Variants in RNF6 observed in about 807,000 individuals in gnomAD.
The protein encoded by RNF6 is E3 ubiquitin-protein ligase RNF6.
A neutral mutation model predicts 50.1 loss-of-function variants in RNF6; 21 were observed. The ratio of observed to expected loss-of-function variants is 0.42; its 90% CI spans 0.30 to 0.60. The LOEUF (loss-of-function observed/expected upper bound fraction) is 0.60, where lower values mean the gene tolerates loss of function less well. Ranked by LOEUF, RNF6 falls within the 20% of genes least tolerant of loss-of-function variation. The pLI is 0.20. For missense variants in RNF6, 698 were observed against 838.2 expected (o/e 0.83, Z 2.07); for synonymous variants, 255 against 291.8 (o/e 0.87, Z 1.29).
chr13:26,193,943 G>T (rs1868559821), intron 5 of RNF6, among the ~76,000 whole-genome samples: 2 of 152,178 alleles, frequency 1.3e-5, no homozygotes, highest in Admixed American at 1.3e-4. Flanking sequence ...TTTTCTTAGT[G>T]AAATAGAGAG....
intron 5 of RNF6, among the ~76,000 whole-genome samples, chr13:26,207,476 T>C (rs1224375445): frequency 6.9e-5 from 10 of 144,106 alleles, no homozygotes; most frequent in Non-Finnish European, 1.4e-4. Context: ...CAAGAATCTA[T>C]GTGAGAAATA....
intron 5 of RNF6, among the ~76,000 whole-genome samples, chr13:26,133,480 C>T (rs1430258863): frequency 6.6e-6 from 1 of 152,144 alleles, no homozygotes; most frequent in African/African-American, 2.4e-5. Context: ...GGTTATGTTC[C>T]CAAAGGTCCT....
chr13:26,132,665 G>A lies in RNF6; in HGVS notation n.769-214C>T, dbSNP rs568289962. On this transcript the variant is annotated intron_variant and non_coding_transcript_variant, in intron 5 of 5. Coordinates refer to the RNF6 transcript ENST00000468480. The stretch of plus-strand genomic sequence containing the variant: ...ATTTTGCAAATAACTTTAATAAAAA[G>A]AAAAGAGGTAGAAACATTAAGTTTT... 5.3e-5 allele frequency among the ~76,000 whole-genome samples: 8 copies of A among 152,246 alleles called. No individual in the cohort carries two copies. In the East Asian group the frequency reaches 1.3e-3, roughly 26 times the overall value.
intron 1 of RNF6, 47 bp downstream of exon 1, chr13:26,221,956 G>A (rs1870555595): frequency 6.6e-6 from 1 of 152,422 alleles, no homozygotes; most frequent in Non-Finnish European, 1.5e-5. Flanking sequence ...TTTCCCCGGC[G>A]TCTCCAGGAA....
At chr13:26,146,018 C>A (rs578057180) in intron 5 of RNF6, among the ~76,000 whole-genome samples, 2 of 152,152 alleles carry the variant, frequency 1.3e-5, no homozygotes, top group South Asian at 4.1e-4. Context: ...CTCTATAAAC[C>A]CCTACTTTAA....
chr13:26,214,158 T>G lies in RNF6; in HGVS notation c.1724A>C (p.Asn575Thr). 6.2e-7 allele frequency: 1 copy of G among 1,614,198 alleles called. No individual in the cohort carries two copies. Among genetic ancestry groups the G allele is most frequent in the Non-Finnish European group, 8.5e-7 (1 of 1,180,034 alleles). Reference sequence around the variant, plus strand: ...TAGTGTTCCAGTTTCAACTAAATTGTTTGGATTTCGCAACTGCCTGCCACC... The same window carrying G: ...TAGTGTTCCAGTTTCAACTAAATTGGTTGGATTTCGCAACTGCCTGCCACC... ...SRGGRQLRNP[N>T]NLVETGTLPI... Residue 575 changes from asparagine (N) to threonine (T), a missense_variant, in exon 5 of 5, where the codon AAC becomes ACC. Asn to Thr is a moderately conservative substitution (Grantham distance 65). Coordinates refer to ENST00000381588, the MANE Select transcript of RNF6 (RefSeq NM_005977.4).
chr13:26,203,236 G>T (rs574442739), intron 5 of RNF6, among the ~76,000 whole-genome samples: 3 of 152,198 alleles, frequency 2.0e-5, no homozygotes, highest in Non-Finnish European at 4.4e-5. Context: ...GACCTTAAGA[G>T]GATTCAGAGG....
At chr13:26,141,927 A>T (rs73158238) in intron 5 of RNF6, among the ~76,000 whole-genome samples, 5,115 of 152,174 alleles carry the variant, frequency 0.034, 111 homozygotes, top group Non-Finnish European at 0.051. Context: ...AAACTATCAG[A>T]AGAGTACAGA....
intron 5 of RNF6, among the ~76,000 whole-genome samples, chr13:26,138,481 G>A (rs756578028): frequency 1.3e-5 from 2 of 151,860 alleles, no homozygotes; most frequent in Non-Finnish European, 2.9e-5. Context: ...TTTTTTCTTT[G>A]TAACTCCTTG....
At chr13:26,189,537 C>G (rs1352249933) in intron 5 of RNF6, among the ~76,000 whole-genome samples, 1 of 152,198 alleles carries the variant, frequency 6.6e-6, no homozygotes, top group Non-Finnish European at 1.5e-5. Context: ...AGAAGGGAAA[C>G]TATTCTCATT....
At chr13:26,201,652 C>A (rs1380001861) in intron 5 of RNF6, among the ~76,000 whole-genome samples, 2 of 152,170 alleles carry the variant, frequency 1.3e-5, no homozygotes, top group African/African-American at 4.8e-5. Flanking sequence ...AAGCAAAGAA[C>A]TGCTTGTCAA....
chr13:26,184,012 ATATATATTTTTTT>A (rs1458623287), intron 5 of RNF6, among the ~76,000 whole-genome samples: 1,551 of 29,978 alleles, frequency 0.052, 6 homozygotes, highest in East Asian at 0.16. Flanking sequence ...ATATATATAT[ATATATATTTTTTT>A]TTTTTTTTTT....
Position 26,215,494 on chromosome 13 carries a change from C to T in RNF6, c.388G>A (p.Gly130Arg), listed in dbSNP as rs1331715002. 1 of 1,614,074 alleles carries T rather than the reference C, an allele frequency of 6.2e-7. No homozygotes were observed. Among genetic ancestry groups the T allele is most frequent in the South Asian group, 1.1e-5 (1 of 91,078 alleles). ...TGNATRSGQN[G>R]NQTWRAVSRT... ...CTCACAGCTCTCCAAGTTTGGTTCC[C>T]ATTTTGTCCACTTCGAGTTGCATTT... Residue 130 changes from glycine (G) to arginine (R), a missense_variant, in exon 5 of 5, where the codon GGG becomes AGG. Gly to Arg is a moderately radical substitution (Grantham distance 125). Coordinates refer to ENST00000381588, the MANE Select transcript of RNF6 (RefSeq NM_005977.4).
intron 5 of RNF6, among the ~76,000 whole-genome samples, chr13:26,170,234 T>C (rs1872631669): frequency 1.3e-5 from 1 of 78,598 alleles, no homozygotes; most frequent in African/African-American, 3.9e-5. Flanking sequence ...AAATGCTGGA[T>C]TTTACAAAAA....
chr13:26,169,269 A>C (rs1787299347), intron 5 of RNF6, among the ~76,000 whole-genome samples: 1 of 152,160 alleles, frequency 6.6e-6, no homozygotes, highest in South Asian at 2.1e-4. Flanking sequence ...CTAGGATGAG[A>C]AAGAAGCCAG....
At chr13:26,209,646 C>T (rs200008155), downstream of RNF6, among the ~76,000 whole-genome samples, 10,625 of 126,496 alleles carry the variant, frequency 0.084, no homozygotes, top group Admixed American at 0.12. Flanking sequence ...ACAGAAGCTG[C>T]ATGTGATTTT....
chr13:26,158,243 G>A (rs922122015), intron 5 of RNF6, among the ~76,000 whole-genome samples: 19 of 152,068 alleles, frequency 1.2e-4, no homozygotes, highest in African/African-American at 4.1e-4. Context: ...CTGCGTCTGC[G>A]TTCAAATTTC....
intron 5 of RNF6, among the ~76,000 whole-genome samples, chr13:26,181,281 G>A (rs1873229543): frequency 6.6e-6 from 1 of 152,172 alleles, no homozygotes; most frequent in South Asian, 2.1e-4. Context: ...TCCAGGATGT[G>A]CACTCTAAAG....
chr13:26,166,816 A>G (rs1333927258), intron 5 of RNF6, among the ~76,000 whole-genome samples: 1 of 152,158 alleles, frequency 6.6e-6, no homozygotes, highest in Admixed American at 6.5e-5. Context: ...GATACTCAGG[A>G]GGCTGAGGCA....
Sources: allele counts gnomAD v4.1 joint callset (sites outside exome capture counted in the v4.1 genomes callset), GRCh38; gene constraint gnomAD v4.1.1; transcripts MANE v1.5; gene names NCBI Gene and HGNC (gene_info 2026-07-23, HGNC 2026-07-21).